PTGER3: variants seen among roughly 807,000 people sequenced by gnomAD.
PTGER3 encodes prostaglandin E receptor 3.
PTGER3 carries 22 observed loss-of-function variants against 34.7 expected under a neutral mutation model. The observed-to-expected ratio is 0.63, with a 90% CI of 0.45 to 0.91. The LOEUF (loss-of-function observed/expected upper bound fraction) is 0.91, where lower values mean the gene tolerates loss of function less well. PTGER3 is among the 40% of genes least tolerant of loss of function. The pLI, the probability that PTGER3 is intolerant of heterozygous loss-of-function variation, is 0.00. For missense variants in PTGER3, 468 were observed against 519.4 expected, an observed-to-expected ratio of 0.90 and a Z score of 0.96; for synonymous variants, 241 against 230.1, an observed-to-expected ratio of 1.05 and a Z score of -0.43.
chr1:70,865,428 C>T (rs372152045), intron 4 of PTGER3, among the ~76,000 whole-genome samples: 4 of 152,024 alleles, frequency 2.6e-5, no homozygotes, highest in African/African-American at 9.7e-5. Flanking sequence ...TTATGAGGGA[C>T]CCCTTTAAGG....
intron 4 of PTGER3, among the ~76,000 whole-genome samples, chr1:70,944,323 AT>A (rs1295104387): frequency 3.3e-5 from 5 of 152,046 alleles, no homozygotes; most frequent in Non-Finnish European, 7.4e-5. Context: ...AGTCAAAGCA[AT>A]TTTTTTACCA....
intron 2 of PTGER3, chr1:71,008,592 C>T (rs891680110): frequency 2.2e-5 from 22 of 984,452 alleles, no homozygotes; most frequent in African/African-American, 1.6e-4. Flanking sequence ...TAAATTGGCT[C>T]GATCATAACC....
chr1:71,006,690 G>A, intron 2 of PTGER3: 1 of 984,500 alleles, frequency 1.0e-6, no homozygotes, highest in Non-Finnish European at 1.2e-6. Context: ...CATGATTATG[G>A]AATATAAAAC....
intron 4 of PTGER3, among the ~76,000 whole-genome samples, chr1:70,928,947 G>T (rs1212202290): frequency 6.6e-6 from 1 of 150,938 alleles, no homozygotes; most frequent in East Asian, 2.0e-4. Flanking sequence ...CACAACCCAG[G>T]AACTAGGGAA....
chr1:70,974,474 A>G (rs1421824616), intron 2 of PTGER3, 86 bp from the exon 3 acceptor site: 2 of 712,750 alleles, frequency 2.8e-6, no homozygotes, highest in African/African-American at 3.5e-5. Flanking sequence ...TCAAAGTCAC[A>G]TTGGCTATGA....
chr1:71,000,773 T>G (rs1249224847), intron 2 of PTGER3, among the ~76,000 whole-genome samples: 1 of 152,028 alleles, frequency 6.6e-6, no homozygotes, highest in African/African-American at 2.4e-5. Context: ...AGTTCGTAAC[T>G]CTAGAAAAAA....
intron 2 of PTGER3, among the ~76,000 whole-genome samples, chr1:70,998,695 T>C (rs994561498): frequency 6.6e-6 from 1 of 152,204 alleles, no homozygotes; most frequent in Non-Finnish European, 1.5e-5. Context: ...CCCTTTTAAT[T>C]GTGTATTTCT....
At chr1:70,905,537 G>C (rs1281336480) in intron 4 of PTGER3, among the ~76,000 whole-genome samples, 1 of 152,104 alleles carries the variant, frequency 6.6e-6, no homozygotes, top group Non-Finnish European at 1.5e-5. Flanking sequence ...TGTGAGACAT[G>C]GAGTCAAAGG....
At chr1:70,861,843 T>C (rs571932131) in intron 4 of PTGER3, among the ~76,000 whole-genome samples, 1 of 152,304 alleles carries the variant, frequency 6.6e-6, no homozygotes, top group African/African-American at 2.4e-5. Context: ...AACATTTTTA[T>C]GCTTCTGTGG....
chr1:70,865,612 G>A (rs1302554856), intron 4 of PTGER3: 1 of 1,288,870 alleles, frequency 7.8e-7, no homozygotes, highest in Non-Finnish European at 1.0e-6. Flanking sequence ...AGTTATTTTT[G>A]GAGCATGTTT....
chr1:71,037,753 A>G (rs1659968614), intron 1 of PTGER3, among the ~76,000 whole-genome samples: 1 of 152,218 alleles, frequency 6.6e-6, no homozygotes, highest in African/African-American at 2.4e-5. Context: ...CTTAGATCAC[A>G]TGGCAAGGCC....
intron 2 of PTGER3, among the ~76,000 whole-genome samples, chr1:70,958,199 T>C (rs1651556256): frequency 6.6e-6 from 1 of 152,206 alleles, no homozygotes; most frequent in Non-Finnish European, 1.5e-5. Flanking sequence ...GATTTCATTT[T>C]CTTTGATATA....
intron 4 of PTGER3, among the ~76,000 whole-genome samples, chr1:70,947,083 A>G (rs921084951): frequency 6.6e-6 from 1 of 152,138 alleles, no homozygotes; most frequent in Admixed American, 6.6e-5. Flanking sequence ...TCTATGCCTT[A>G]GTTTTCCTCA....
At chr1:70,981,371 CTTTCTTTCTTTCT>C (rs1557708984) in intron 2 of PTGER3, among the ~76,000 whole-genome samples, 7 of 102,670 alleles carry the variant, frequency 6.8e-5, no homozygotes, top group Admixed American at 2.5e-4. Context: ...TTCTTTCTTT[CTTTCTTTCTTTCT>C]TTCTTTCTTT....
At chr1:70,949,714 G>A (rs1316160979), downstream of PTGER3, among the ~76,000 whole-genome samples, 2 of 152,166 alleles carry the variant, frequency 1.3e-5, no homozygotes, top group East Asian at 1.9e-4. Flanking sequence ...GCACAGGTAG[G>A]TGAAGGTCTA....
At chr1:70,964,985 C>G (rs1652360769) in intron 2 of PTGER3, among the ~76,000 whole-genome samples, 1 of 152,068 alleles carries the variant, frequency 6.6e-6, no homozygotes, top group Admixed American at 6.6e-5. Context: ...AAAACGTTTT[C>G]TAAAGGAAGG....
intron 4 of PTGER3, among the ~76,000 whole-genome samples, chr1:70,877,277 T>A (rs979608038): frequency 1.3e-5 from 2 of 152,184 alleles, no homozygotes; most frequent in African/African-American, 4.8e-5. Flanking sequence ...TGTATAGAAA[T>A]GCTACTGATT....
At chr1:70,924,532 A>G (rs1647863580) in intron 4 of PTGER3, among the ~76,000 whole-genome samples, 1 of 152,156 alleles carries the variant, frequency 6.6e-6, no homozygotes, top group Non-Finnish European at 1.5e-5. Context: ...GAGTATTCTA[A>G]TTGTGGGCAC....
intron 4 of PTGER3, chr1:70,862,354 T>A: frequency 7.3e-7 from 1 of 1,367,112 alleles, no homozygotes; most frequent in Non-Finnish European, 9.8e-7. Flanking sequence ...GTTAGGCAGA[T>A]TTATCTTCAA....
Sources: allele counts gnomAD v4.1 joint callset (sites outside exome capture counted in the v4.1 genomes callset), GRCh38; gene constraint gnomAD v4.1.1; transcripts MANE v1.5; gene names NCBI Gene and HGNC (gene_info 2026-07-23, HGNC 2026-07-21).